NIPAL2: variants seen among roughly 807,000 people sequenced by gnomAD.
NIPAL2 encodes NIPA like domain containing 2, also known as NIPA-like protein 2.
In NIPAL2, 43 loss-of-function variants were observed where a neutral mutation model predicts 48.9. The ratio of observed to expected loss-of-function variants is 0.88; its 90% CI spans 0.69 to 1.13. The LOEUF (loss-of-function observed/expected upper bound fraction) is 1.13, where lower values mean the gene tolerates loss of function less well. NIPAL2 is among the 50% of genes most tolerant of loss of function. NIPAL2 has a pLI of 0.00. For synonymous variants in NIPAL2, 167 were observed against 174.6 expected (o/e 0.96, Z 0.34); for missense variants, 446 against 461.4 (o/e 0.97, Z 0.31).
At chr8:98,271,734 A>T (rs111661204) in intron 1 of NIPAL2, among the ~76,000 whole-genome samples, 146 of 151,888 alleles carry the variant, frequency 9.6e-4, no homozygotes, top group Middle Eastern at 3.4e-3. Context: ...GTTGAATAGG[A>T]GTGGTTAGAG....
intron 3 of NIPAL2, among the ~76,000 whole-genome samples, chr8:98,236,755 G>A (rs1473584603): frequency 6.6e-6 from 1 of 150,910 alleles, no homozygotes; most frequent in East Asian, 2.0e-4. Context: ...GGGAGGCTGA[G>A]GTGGGTGGAT....
chr8:98,294,092 C>A lies in NIPAL2; in HGVS notation c.46G>T (p.Ala16Ser), dbSNP rs1231311731. ...PAGPGDSASAALDELSLNFTY... is the reference protein window; with the variant it reads ...PAGPGDSASASLDELSLNFTY... ...AAATTCAGTGACAGCTCGTCCAGGGCGGCCGAGGCGGAGTCCCCGGGGCCC... is the reference window on the plus strand; with the variant it reads ...AAATTCAGTGACAGCTCGTCCAGGGAGGCCGAGGCGGAGTCCCCGGGGCCC... The change falls in exon 1 of 11, where the codon GCC becomes TCC. Residue 16 changes from alanine (A) to serine (S), a missense_variant. Ala to Ser is a moderately conservative substitution (Grantham distance 99). Coordinates refer to ENST00000430223, the MANE Select transcript of NIPAL2 (RefSeq NM_001321635.2). 6.7e-7 allele frequency: 1 copy of A among 1,489,836 alleles called. No individual in the cohort carries two copies. The highest frequency in any genetic ancestry group is 8.9e-7 in the Non-Finnish European group (1 of 1,120,142). 92.3% of individuals were successfully genotyped at this position (1,489,836 alleles called of 1,614,324 possible). A position where few individuals can be genotyped will look rare whatever the true frequency, so the allele number is the denominator to read the frequency against.
At chr8:98,252,366 A>C in intron 3 of NIPAL2, 97 bp downstream of exon 3, 1 of 1,196,382 alleles carries the variant, frequency 8.4e-7, no homozygotes, top group African/African-American at 1.5e-5. Context: ...CAGGCAATAG[A>C]CTTTCTTCTT....
chr8:98,190,977 A>G lies in NIPAL2; in HGVS notation c.*2001T>C, dbSNP rs192802448. On this transcript the variant is annotated 3_prime_UTR_variant, in exon 11 of 11. Coordinates refer to ENST00000430223, the MANE Select transcript of NIPAL2 (RefSeq NM_001321635.2). ...ATTTACCTTACTTTGGAGCAACAAT[A>G]TGGAAAGTAAAACTAGGTCTGAATA... The G allele has an allele frequency of 9.2e-5, 14 of 152,336 alleles. No homozygotes were observed. Among genetic ancestry groups the G allele is most frequent in the African/African-American group, 3.4e-4 (14 of 41,586 alleles). 9.4% of individuals were successfully genotyped at this position (152,336 alleles called of 1,614,324 possible). A position where few individuals can be genotyped will look rare whatever the true frequency, so the allele number is the denominator to read the frequency against.
At chr8:98,243,824 G>T (rs553047525) in intron 3 of NIPAL2, among the ~76,000 whole-genome samples, 274 of 152,076 alleles carry the variant, frequency 1.8e-3, no homozygotes, top group Admixed American at 3.5e-3. Flanking sequence ...AGGTAAATGG[G>T]CATTCCCTTT....
intron 5 of NIPAL2, among the ~76,000 whole-genome samples, chr8:98,219,043 A>G (rs1811713377): frequency 6.6e-6 from 1 of 152,194 alleles, no homozygotes; most frequent in Admixed American, 6.5e-5. Flanking sequence ...CATTTCCAAC[A>G]GGATCAGGGG....
intron 1 of NIPAL2, among the ~76,000 whole-genome samples, chr8:98,280,761 T>TAGAGAGAG (rs1554578553): frequency 0.037 from 1,107 of 29,956 alleles, 95 homozygotes; most frequent in Middle Eastern, 0.06. Context: ...TATATATATA[T>TAGAGAGAG]AGAGAGAGAG....
chr8:98,220,831 A>G (rs1018560557), intron 5 of NIPAL2, among the ~76,000 whole-genome samples: 1 of 152,090 alleles, frequency 6.6e-6, no homozygotes, highest in Non-Finnish European at 1.5e-5. Flanking sequence ...TCCCCAATCT[A>G]TACTAACTTC....
At chr8:98,250,742 G>A (rs569904765) in intron 3 of NIPAL2, among the ~76,000 whole-genome samples, 7 of 152,244 alleles carry the variant, frequency 4.6e-5, no homozygotes, top group African/African-American at 1.7e-4. Context: ...TAAGGTGGGT[G>A]GACCAGCTCA....
rs1993112 is a variant in NIPAL2 at position 98,223,073 on chromosome 8, T to C, written c.437-473A>G. On this transcript the variant is annotated intron_variant, in intron 4 of 10. Coordinates refer to ENST00000430223, the MANE Select transcript of NIPAL2 (RefSeq NM_001321635.2). ...TCTACACTCACTCATCCCTGGGGCT[T>C]TGAAGCACCCTCAGGTGATTTAACA... Among the ~76,000 whole-genome samples the C allele has an allele frequency of 4.6e-3, 693 of 152,278 alleles. 6 individuals are homozygous for C. Among genetic ancestry groups the C allele is most frequent in the Admixed American group, 0.023 (349 of 15,296 alleles).
At position 98,194,811 on chromosome 8, in the gene NIPAL2, G is replaced by A. The variant is rs967693794; in HGVS notation, c.956C>T (p.Ser319Leu). Residue 319 changes from serine (S) to leucine (L), a missense_variant, in exon 10 of 11, where the codon TCA becomes TTA. By Grantham distance (145) the Ser-to-Leu change is moderately radical (BLOSUM62 -2). Transcript: ENST00000430223. ...TGTGACCAAAAATACACCAAGGAAT[G>A]ACAGAAAACACCTGTAAGGATAATA... ...VFIYLFGCFL[S>L]FLGVFLVTRN... is the part of the protein sequence containing the mutation. The A allele has an allele frequency of 1.3e-6, 2 of 1,560,248 alleles. No homozygotes were observed. Among genetic ancestry groups the A allele is most frequent in the Non-Finnish European group, 1.7e-6 (2 of 1,155,754 alleles).
At position 98,267,832 on chromosome 8, in the gene NIPAL2, T is replaced by G. The variant is rs568514788; in HGVS notation, c.136-13745A>C. The stretch of plus-strand genomic sequence containing the variant: ...TATAGTTCCTGAAGTTAGAATTAAC[T>G]TTGAAGTTTGTTCCCCACCCCCTGG... On this transcript the variant is annotated intron_variant, in intron 1 of 10. Coordinates refer to ENST00000430223, the MANE Select transcript of NIPAL2 (RefSeq NM_001321635.2). Among the ~76,000 whole-genome samples, 7 of 152,274 alleles carry G rather than the reference T, an allele frequency of 4.6e-5. No homozygotes were observed. The East Asian group carries it at 1.3e-3, about 29-fold the overall frequency.
intron 1 of NIPAL2, among the ~76,000 whole-genome samples, chr8:98,262,639 G>C (rs1424867204): frequency 6.6e-6 from 1 of 150,640 alleles, no homozygotes; most frequent in Non-Finnish European, 1.5e-5. Flanking sequence ...CAAGTCCTGA[G>C]TGACCTACAA....
intron 8 of NIPAL2, 50 bp from the exon 9 acceptor site, chr8:98,196,055 A>G: frequency 1.8e-6 from 2 of 1,082,672 alleles, no homozygotes; most frequent in South Asian, 1.4e-5. Context: ...AAGGTTATTT[A>G]TAATAGCTAA....
chr8:98,221,015 G>A (rs1318224109), intron 5 of NIPAL2, among the ~76,000 whole-genome samples: 5 of 113,654 alleles, frequency 4.4e-5, no homozygotes, highest in South Asian at 2.9e-4. Context: ...TGCTCTTGTC[G>A]CCCAGACTGG....
intron 1 of NIPAL2, among the ~76,000 whole-genome samples, chr8:98,261,835 C>A (rs1440414642): frequency 6.9e-6 from 1 of 144,300 alleles, no homozygotes; most frequent in East Asian, 2.0e-4. Context: ...GTCAGATTCA[C>A]CAAAGTTGAA....
intron 3 of NIPAL2, among the ~76,000 whole-genome samples, chr8:98,236,851 C>CAAAAAAAAAAAAAAAAA (rs34210829): frequency 1.5e-5 from 1 of 66,896 alleles, no homozygotes; most frequent in South Asian, 8.0e-4. Context: ...GATCCTGTCT[C>CAAAAAAAAAAAAAAAAA]AAAAAAAAAA....
intron 5 of NIPAL2, among the ~76,000 whole-genome samples, chr8:98,214,429 G>T (rs1171185759): frequency 6.6e-6 from 1 of 152,170 alleles, no homozygotes; most frequent in Non-Finnish European, 1.5e-5. Context: ...CTCCCAAAGT[G>T]CTGGGATTAC....
intron 10 of NIPAL2, among the ~76,000 whole-genome samples, chr8:98,193,646 C>T (rs186136046): frequency 8.8e-4 from 133 of 151,994 alleles, no homozygotes; most frequent in African/African-American, 3.0e-3. Context: ...TGGTGAAAAC[C>T]CACCTCTGCT....
Sources: gnomAD v4.1 joint callset for allele counts (sites outside exome capture counted in the v4.1 genomes callset) on GRCh38, gnomAD v4.1.1 for gene constraint, MANE v1.5 for transcripts, NCBI Gene and HGNC (gene_info 2026-07-23, HGNC 2026-07-21) for gene names.